The following MCM9 variants were observed in gnomAD, a reference collection of about 807,000 sequenced individuals.
MCM9 encodes the protein DNA helicase MCM9.
MCM9 carries 55 observed loss-of-function variants against 72.8 expected under a neutral mutation model. The ratio of observed to expected loss-of-function variants is 0.76; its 90% CI spans 0.61 to 0.95. The LOEUF (loss-of-function observed/expected upper bound fraction) is 0.95. MCM9 is among the 40% of genes least tolerant of loss of function. The pLI is 0.00. For synonymous variants in MCM9, 480 were observed against 503.4 expected, an observed-to-expected ratio of 0.95 and a Z score of 0.62; for missense variants, 1,279 against 1,377.0, an observed-to-expected ratio of 0.93 and a Z score of 1.13.
At chr6:118,838,050 G>T (rs567118589) in intron 9 of MCM9, among the ~76,000 whole-genome samples, 2 of 152,226 alleles carry the variant, frequency 1.3e-5, no homozygotes, top group African/African-American at 4.8e-5. Flanking sequence ...TGTAAGGCAG[G>T]CCTGGTGGTG....
At chr6:118,854,861 T>C (rs1776456094) in intron 9 of MCM9, among the ~76,000 whole-genome samples, 1 of 152,256 alleles carries the variant, frequency 6.6e-6, no homozygotes, top group Admixed American at 6.5e-5. Flanking sequence ...TTGGTTATAA[T>C]GTATAACCCT....
At chr6:118,891,509 C>T (rs1778940220) in intron 8 of MCM9, among the ~76,000 whole-genome samples, 3 of 152,246 alleles carry the variant, frequency 2.0e-5, no homozygotes, top group African/African-American at 7.2e-5. Context: ...ATTCTAAAGC[C>T]TCTTTGCTTG....
chr6:118,882,665 G>A (rs1284660967), intron 8 of MCM9, among the ~76,000 whole-genome samples: 1 of 152,154 alleles, frequency 6.6e-6, no homozygotes, highest in African/African-American at 2.4e-5. Flanking sequence ...CAGAGATCAA[G>A]GAGAGAGTCA....
chr6:118,816,440 C>A (rs1418257774), intron 13 of MCM9, 146 bp from the exon 14 acceptor site: 1 of 575,946 alleles, frequency 1.7e-6, no homozygotes, highest in Non-Finnish European at 2.7e-6. Context: ...CCTCCTAGAG[C>A]AGCAGAATGA....
At chr6:118,902,816 T>G in intron 8 of MCM9, among the ~76,000 whole-genome samples, 1 of 152,222 alleles carries the variant, frequency 6.6e-6, no homozygotes, top group East Asian at 1.9e-4. Flanking sequence ...AGAGACTAAA[T>G]TACAGCTTTT....
intron 12 of MCM9, 128 bp downstream of exon 12, chr6:118,826,653 AT>A: frequency 1.4e-6 from 1 of 693,528 alleles, no homozygotes; most frequent in Non-Finnish European, 2.4e-6. Flanking sequence ...CTTTGGATAT[AT>A]TTCCAGGAAT....
chr6:118,924,356 G>T (rs1465384760), intron 3 of MCM9, among the ~76,000 whole-genome samples: 1 of 152,062 alleles, frequency 6.6e-6, no homozygotes, highest in Non-Finnish European at 1.5e-5. Context: ...ACTGCACAAT[G>T]AGTAGACCAT....
At chr6:118,827,098 T>C (rs1774218121) in intron 11 of MCM9, among the ~76,000 whole-genome samples, 1 of 152,228 alleles carries the variant, frequency 6.6e-6, no homozygotes, top group South Asian at 2.1e-4. Context: ...AAAAGTACTC[T>C]GGGCTCTAGC....
chr6:118,892,210 A>G (rs1778993170), intron 8 of MCM9, among the ~76,000 whole-genome samples: 1 of 152,268 alleles, frequency 6.6e-6, no homozygotes, highest in South Asian at 2.1e-4. Context: ...ACAAGAGTTA[A>G]GACAGGAGAA....
intron 13 of MCM9, among the ~76,000 whole-genome samples, chr6:118,824,287 A>G (rs1774017669): frequency 6.6e-6 from 1 of 152,060 alleles, no homozygotes; most frequent in Non-Finnish European, 1.5e-5. Context: ...GTTCTGCAAA[A>G]ATCTCCTAAA....
Position 118,821,928 on chromosome 6 carries a change from T to C in MCM9, c.1961+4219A>G, listed in dbSNP as rs564384139. Among the ~76,000 whole-genome samples the C allele has an allele frequency of 5.3e-5, 8 of 152,350 alleles. No homozygotes were observed. The South Asian group carries it at 1.7e-3, about 32-fold the overall frequency. Reference sequence around the variant, plus strand: ...GCTTGATTGATTTGAGTACTGATACTTGTGTATGCTTCATGAAGTTCTCGT... The same window carrying C: ...GCTTGATTGATTTGAGTACTGATACCTGTGTATGCTTCATGAAGTTCTCGT... On this transcript the variant is annotated intron_variant, in intron 13 of 13. Transcript: ENST00000619706.
In MCM9 at chr6:118,815,259, C is replaced by T; in HGVS notation, c.2997G>A (p.Glu999=). The change falls in exon 14 of 14, where the codon GAG becomes GAA. Residue 999 remains glutamate (E), a synonymous_variant. Coordinates refer to ENST00000619706, the MANE Select transcript of MCM9 (RefSeq NM_017696.3). The part of the protein sequence containing the change: ...ETKEVSQQPP[E]KHGPREKVMC... ...TCACCTTCTCTCTTGGTCCGTGTTT[C>T]TCTGGTGGCTGCTGCGACACCTCCT... The T allele has an allele frequency of 6.4e-7, 1 of 1,550,690 alleles. No homozygotes were observed. Among genetic ancestry groups the T allele is most frequent in the African/African-American group, 1.4e-5 (1 of 73,134 alleles).
chr6:118,934,304 T>C (rs1336846387), intron 1 of MCM9: 3 of 151,328 alleles, frequency 2.0e-5, no homozygotes, highest in African/African-American at 7.3e-5. Flanking sequence ...GACTTTTTGT[T>C]TTGAGAAGGG....
chr6:118,889,460 C>A (rs1380616802), intron 8 of MCM9, among the ~76,000 whole-genome samples: 1 of 152,140 alleles, frequency 6.6e-6, no homozygotes. Context: ...GATTTGAGTC[C>A]TCTCTACCGA....
At chr6:118,895,077 G>A (rs1327664629) in intron 8 of MCM9, among the ~76,000 whole-genome samples, 1 of 152,114 alleles carries the variant, frequency 6.6e-6, no homozygotes. Context: ...TGGAGTCGCC[G>A]CACTCTCCGG....
intron 9 of MCM9, among the ~76,000 whole-genome samples, chr6:118,830,864 G>A (rs1774493768): frequency 6.6e-6 from 1 of 152,184 alleles, no homozygotes; most frequent in African/African-American, 2.4e-5. Flanking sequence ...GTTTACAACA[G>A]AACTGCTGGG....
At chr6:118,930,535 T>C (rs1199858677) in intron 3 of MCM9, among the ~76,000 whole-genome samples, 1 of 152,238 alleles carries the variant, frequency 6.6e-6, no homozygotes. Flanking sequence ...TAGAATTAAT[T>C]TGTACCAGCC....
intron 13 of MCM9, 141 bp downstream of exon 13, chr6:118,826,002 TATAG>T: frequency 1.2e-6 from 1 of 825,944 alleles, no homozygotes; most frequent in South Asian, 1.9e-5. Context: ...AACAGTCTCC[TATAG>T]ATAGTATCTG....
At chr6:118,892,911 C>T (rs1413490610) in intron 8 of MCM9, among the ~76,000 whole-genome samples, 7 of 152,164 alleles carry the variant, frequency 4.6e-5, no homozygotes, top group Non-Finnish European at 1.0e-4. Flanking sequence ...AAGCCACCTA[C>T]TTAAGTATGA....
Sources: allele counts gnomAD v4.1 joint callset (sites outside exome capture counted in the v4.1 genomes callset), GRCh38; gene constraint gnomAD v4.1.1; transcripts MANE v1.5; gene names NCBI Gene and HGNC (gene_info 2026-07-23, HGNC 2026-07-21).